THAP4: variants seen among roughly 807,000 people sequenced by gnomAD.
The protein encoded by THAP4 is peroxynitrite isomerase THAP4.
Under a neutral mutation model 48.1 loss-of-function variants are expected in THAP4, and 18 were observed. That is an observed-to-expected ratio of 0.37 (90% CI 0.26 to 0.56). THAP4 has a LOEUF of 0.56. Ranked by LOEUF, THAP4 falls within the 20% of genes least tolerant of loss-of-function variation. The pLI is 0.78. For synonymous variants in THAP4, 345 were observed against 324.9 expected (o/e 1.06, Z -0.66); for missense variants, 656 against 774.9 (o/e 0.85, Z 1.82).
At position 241,634,064 on chromosome 2, in the gene THAP4, G is replaced by A; in HGVS notation, c.93C>T (p.Asp31=). The change falls in exon 2 of 6, where the codon GAC becomes GAT. Residue 31 remains aspartate, a synonymous_variant. Transcript: ENST00000407315. ...AVSFHRFPLK[D]SKRLIQWLKA... ...TTAACCATTGGATTAGACGTTTTGAGTCCTTTAGGGGGAACCTACAGGACA... is the reference window on the plus strand; with the variant it reads ...TTAACCATTGGATTAGACGTTTTGAATCCTTTAGGGGGAACCTACAGGACA... 6.3e-7 allele frequency: 1 copy of A among 1,584,062 alleles called. No homozygotes were observed. Among genetic ancestry groups the A allele is most frequent in the Non-Finnish European group, 8.6e-7 (1 of 1,164,166 alleles).
intron 2 of THAP4, among the ~76,000 whole-genome samples, chr2:241,624,209 C>T (rs1284593419): frequency 6.6e-6 from 1 of 152,210 alleles, no homozygotes; most frequent in African/African-American, 2.4e-5. Context: ...CACAAATAGC[C>T]AGGCGTGGTG....
intron 2 of THAP4, among the ~76,000 whole-genome samples, chr2:241,626,383 G>A (rs113124915): frequency 0.011 from 1,685 of 152,220 alleles, 28 homozygotes; most frequent in African/African-American, 0.039. Flanking sequence ...GGAGGTTGCA[G>A]TGAGCCTAGA....
rs1340903887 is a variant in THAP4 at position 241,637,151 on chromosome 2, G to T, written c.-134C>A. Reference sequence around the variant, plus strand: ...CCGGCCCGCGGCGTCCGCGCCGTACGGCAAGATGGAGGCGCAGGCGCCCGC... The same window carrying T: ...CCGGCCCGCGGCGTCCGCGCCGTACTGCAAGATGGAGGCGCAGGCGCCCGC... On this transcript the variant is annotated 5_prime_UTR_variant, in exon 1 of 6. Coordinates refer to ENST00000407315, the MANE Select transcript of THAP4 (RefSeq NM_015963.6). 5 of 990,740 alleles carry T rather than the reference G, an allele frequency of 5.0e-6. No homozygotes were observed. In the African/African-American group the frequency reaches 8.8e-5, roughly 17 times the overall value. The allele number at this position is 990,740 out of a possible 1,614,324, so 61.4% of individuals were successfully genotyped here.
At chr2:241,594,359 G>A (rs531586369) in intron 5 of THAP4, among the ~76,000 whole-genome samples, 2 of 152,246 alleles carry the variant, frequency 1.3e-5, no homozygotes, top group East Asian at 3.9e-4. Context: ...CAAGGCAGGA[G>A]GATTGCTTAA....
intron 2 of THAP4, among the ~76,000 whole-genome samples, chr2:241,606,953 A>C (rs559361577): frequency 6.6e-6 from 1 of 152,130 alleles, no homozygotes; most frequent in African/African-American, 2.4e-5. Context: ...CCTGGCGTGA[A>C]GAGTGTGTGA....
chr2:241,636,608 C>A (rs910159653), intron 1 of THAP4, among the ~76,000 whole-genome samples: 1 of 152,144 alleles, frequency 6.6e-6, no homozygotes, highest in Non-Finnish European at 1.5e-5. Context: ...ACGGCCCGCG[C>A]GGTCCGGAGA....
At chr2:241,624,170 C>T (rs2067467754) in intron 2 of THAP4, among the ~76,000 whole-genome samples, 1 of 152,172 alleles carries the variant, frequency 6.6e-6, no homozygotes, top group South Asian at 2.1e-4. Context: ...TTACTAATAC[C>T]AATTTATTAC....
chr2:241,601,864 C>A lies in THAP4; in HGVS notation c.1614+32G>T. The A allele has an allele frequency of 1.2e-6, 2 of 1,612,596 alleles. No individual in the cohort carries two copies. The highest frequency in any genetic ancestry group is 1.7e-6 in the Non-Finnish European group (2 of 1,179,586). On this transcript the variant is annotated intron_variant, in intron 5 of 5. Transcript: ENST00000407315. This position sits in a 1 kb window ranked among gnomAD's most constrained non-coding sequence, Gnocchi z 4.0. Reference sequence around the variant, plus strand: ...TCCACAGACCGCTGCAAACAGAAGACAGGAGCGTGCTGGGAGCAGGGCTGG... The same window carrying A: ...TCCACAGACCGCTGCAAACAGAAGAAAGGAGCGTGCTGGGAGCAGGGCTGG...
At chr2:241,618,494 C>T (rs1013941366) in intron 2 of THAP4, among the ~76,000 whole-genome samples, 5 of 152,138 alleles carry the variant, frequency 3.3e-5, no homozygotes, top group African/African-American at 4.8e-5. Flanking sequence ...AGTAAGCTTC[C>T]GGTTTCCACT....
intron 2 of THAP4, among the ~76,000 whole-genome samples, chr2:241,626,090 T>C (rs981756682): frequency 6.6e-6 from 1 of 152,134 alleles, no homozygotes; most frequent in East Asian, 1.9e-4. Context: ...CAACATCCCA[T>C]TCATGATAAC....
At chr2:241,597,030 T>C (rs535355584) in intron 5 of THAP4, among the ~76,000 whole-genome samples, 1 of 152,360 alleles carries the variant, frequency 6.6e-6, no homozygotes, top group South Asian at 2.1e-4. Flanking sequence ...TGTGCTACAT[T>C]AGATGGCTTC....
chr2:241,635,843 G>T (rs950111492), intron 1 of THAP4, among the ~76,000 whole-genome samples: 1 of 152,130 alleles, frequency 6.6e-6, no homozygotes, highest in Non-Finnish European at 1.5e-5. Context: ...AGTTCTAACT[G>T]CTATTTGCTC....
intron 5 of THAP4, among the ~76,000 whole-genome samples, chr2:241,595,921 A>C (rs1262238037): frequency 6.6e-6 from 1 of 152,084 alleles, no homozygotes; most frequent in Non-Finnish European, 1.5e-5. Context: ...TAGTTGGGAC[A>C]TTTCACTCCT....
chr2:241,623,520 G>A (rs1483828877), intron 2 of THAP4, among the ~76,000 whole-genome samples: 5 of 151,712 alleles, frequency 3.3e-5, no homozygotes, highest in South Asian at 4.2e-4. Context: ...CGGAGGTTGC[G>A]GTGAGCCAAA....
intron 2 of THAP4, among the ~76,000 whole-genome samples, chr2:241,611,711 G>A (rs1473426037): frequency 6.9e-5 from 10 of 144,126 alleles, no homozygotes; most frequent in Middle Eastern, 3.5e-3. Context: ...GTGACAGGGT[G>A]AGACTCTGTC....
intron 5 of THAP4, among the ~76,000 whole-genome samples, chr2:241,593,977 G>A (rs372143914): frequency 7.9e-5 from 12 of 152,232 alleles, no homozygotes; most frequent in Middle Eastern, 3.4e-3. Context: ...GAGCCACCAC[G>A]CGAGGCACAG....
rs918515906 is a variant in THAP4 at position 241,584,490 on chromosome 2, T to C, written c.*116A>G. 7.9e-6 allele frequency: 9 copies of C among 1,136,996 alleles called. No individual in the cohort carries two copies. Among genetic ancestry groups the C allele is most frequent in the African/African-American group, 1.5e-5 (1 of 64,594 alleles). The allele number at this position is 1,136,996 out of a possible 1,614,324, so 70.4% of individuals were successfully genotyped here. On this transcript the variant is annotated 3_prime_UTR_variant, in exon 6 of 6. Coordinates refer to ENST00000407315, the MANE Select transcript of THAP4 (RefSeq NM_015963.6). ...TACAGAAACATCTGGACAACACTCTTGAGCCTGCAGAGGCTCACGGCCACA... is the reference window on the plus strand; with the variant it reads ...TACAGAAACATCTGGACAACACTCTCGAGCCTGCAGAGGCTCACGGCCACA...
chr2:241,612,801 A>G lies in THAP4; in HGVS notation c.1241-6328T>C, dbSNP rs532216998. 2.0e-5 allele frequency among the ~76,000 whole-genome samples: 3 copies of G among 152,334 alleles called. No homozygotes were observed. Among genetic ancestry groups the G allele is most frequent in the African/African-American group, 4.8e-5 (2 of 41,582 alleles). On this transcript the variant is annotated intron_variant, in intron 2 of 5. Transcript: ENST00000407315. The surrounding 1 kb of genome is among the most constrained non-coding windows in gnomAD (Gnocchi z 4.1). ...CGCTAGAGTCACACGTAGAAGGCGC[A>G]TGAGGAGGGAAGGTGAGTGGCAAGG... is the stretch of plus-strand genomic sequence containing the variant.
At chr2:241,637,418 T>C, upstream of THAP4, 1 of 1,457,318 alleles carries the variant, frequency 6.9e-7, no homozygotes, top group South Asian at 1.3e-5. Flanking sequence ...CGACAACTGC[T>C]CCTGGGTCCT....
Sources: allele counts gnomAD v4.1 joint callset (sites outside exome capture counted in the v4.1 genomes callset), GRCh38; gene constraint gnomAD v4.1.1; non-coding constraint Gnocchi (gnomAD v3.1); transcripts MANE v1.5; gene names NCBI Gene and HGNC (gene_info 2026-07-23, HGNC 2026-07-21).